MGMT: variants seen among roughly 807,000 people sequenced by gnomAD.
The protein encoded by MGMT is O-6-methylguanine-DNA methyltransferase.
In MGMT, 14 loss-of-function variants were observed where a neutral mutation model predicts 15.9. The ratio of observed to expected loss-of-function variants is 0.88; its 90% CI spans 0.58 to 1.37. The LOEUF (loss-of-function observed/expected upper bound fraction) is 1.37. Among genes scored for constraint, MGMT ranks in the 40% most tolerant of loss-of-function variants. The pLI is 0.00. For synonymous variants in MGMT, 130 were observed against 118.2 expected, an observed-to-expected ratio of 1.10 and a Z score of -0.65; for missense variants, 282 against 268.1, an observed-to-expected ratio of 1.05 and a Z score of -0.36.
chr10:129,617,852 A>G (rs753848778), intron 2 of MGMT, among the ~76,000 whole-genome samples: 4 of 152,074 alleles, frequency 2.6e-5, no homozygotes, highest in Non-Finnish European at 2.9e-5. Flanking sequence ...GGGGATGCAT[A>G]GTCTGCAAAG....
At chr10:129,747,297 C>T (rs137951990) in intron 3 of MGMT, among the ~76,000 whole-genome samples, 1,562 of 152,078 alleles carry the variant, frequency 0.01, 24 homozygotes, top group African/African-American at 0.036. Context: ...GCTTTTTTTG[C>T]ACAGTTAGGT....
chr10:129,635,917 C>T (rs1173487084), intron 2 of MGMT, among the ~76,000 whole-genome samples: 2 of 152,140 alleles, frequency 1.3e-5, no homozygotes, highest in African/African-American at 4.8e-5. Flanking sequence ...TGTAATCACT[C>T]CAGAATATAT....
At chr10:129,543,824 T>C (rs1311449156) in intron 2 of MGMT, among the ~76,000 whole-genome samples, 1 of 152,238 alleles carries the variant, frequency 6.6e-6, no homozygotes, top group Non-Finnish European at 1.5e-5. Context: ...ATTTTAAGTC[T>C]GCCAGGAACT....
At chr10:129,766,706 G>A in intron 4 of MGMT, 82 bp from the exon 5 acceptor site, 1 of 1,305,956 alleles carries the variant, frequency 7.7e-7, no homozygotes, top group Non-Finnish European at 1.1e-6. Context: ...CAGGACTCCT[G>A]TCAGTCAGGG....
chr10:129,627,431 G>A (rs77566600), intron 2 of MGMT, among the ~76,000 whole-genome samples: 9,732 of 61,350 alleles, frequency 0.16, 426 homozygotes, highest in South Asian at 0.22. Flanking sequence ...AAGAAAGAAA[G>A]AAAAAAGCAG....
At chr10:129,637,292 C>G (rs1487469911) in intron 2 of MGMT, among the ~76,000 whole-genome samples, 2 of 152,316 alleles carry the variant, frequency 1.3e-5, no homozygotes, top group East Asian at 3.9e-4. Context: ...CCCACCCTGT[C>G]CTCTGACTTT....
chr10:129,607,319 G>A (rs879666844), intron 2 of MGMT, among the ~76,000 whole-genome samples: 1 of 152,098 alleles, frequency 6.6e-6, no homozygotes, highest in Admixed American at 6.5e-5. Context: ...TGGATTGTCG[G>A]ATAACATTTT....
In MGMT at chr10:129,759,291, G is replaced by A; in HGVS notation, c.364G>A (p.Gly122Ser). 6.2e-7 allele frequency: 1 copy of A among 1,614,186 alleles called. No individual in the cohort carries two copies. Among genetic ancestry groups the A allele is most frequent in the Non-Finnish European group, 8.5e-7 (1 of 1,180,038 alleles). Residue 122 changes from glycine to serine, a missense_variant, in exon 4 of 5, where the codon GGC (glycine) becomes AGC (serine). Coordinates refer to ENST00000651593, the MANE Select transcript of MGMT (RefSeq NM_002412.5). ...ISYQQLAALA[G>S]NPKAARAVGG... ...TTACCAGCAATTAGCAGCCCTGGCA[G>A]GCAACCCCAAAGCCGCGCGAGCAGT... is the stretch of plus-strand genomic sequence containing the variant.
chr10:129,631,092 G>C (rs1461106327), intron 2 of MGMT, among the ~76,000 whole-genome samples: 1 of 151,784 alleles, frequency 6.6e-6, no homozygotes, highest in East Asian at 1.9e-4. Flanking sequence ...TCCCATCCAT[G>C]TTTCCAGGTT....
chr10:129,732,490 T>C (rs1256323383), intron 3 of MGMT, among the ~76,000 whole-genome samples: 1 of 152,092 alleles, frequency 6.6e-6, no homozygotes, highest in Non-Finnish European at 1.5e-5. Flanking sequence ...GAACTCATCC[T>C]TTTTTATGGC....
intron 2 of MGMT, among the ~76,000 whole-genome samples, chr10:129,599,699 G>A (rs866572395): frequency 3.3e-5 from 5 of 152,160 alleles, no homozygotes; most frequent in South Asian, 4.1e-4. Context: ...CACTGAGGCC[G>A]GCAAGTCTGT....
intron 3 of MGMT, among the ~76,000 whole-genome samples, chr10:129,712,241 G>A (rs1466487883): frequency 2.0e-5 from 3 of 152,188 alleles, no homozygotes; most frequent in South Asian, 2.1e-4. Context: ...CTGCCCACGC[G>A]AGACTGTGGG....
At chr10:129,707,844 T>C (rs1448444912) in intron 2 of MGMT, 51 bp from the exon 3 acceptor site, 5 of 1,605,814 alleles carry the variant, frequency 3.1e-6, no homozygotes, top group Non-Finnish European at 3.4e-6. Flanking sequence ...TTTTCCGATG[T>C]GTGGAGGCAG....
intron 2 of MGMT, among the ~76,000 whole-genome samples, chr10:129,540,674 T>G (rs1194638656): frequency 6.6e-6 from 1 of 152,270 alleles, no homozygotes; most frequent in Non-Finnish European, 1.5e-5. Flanking sequence ...TTGTCTTGTT[T>G]TGGAATTAGT....
At chr10:129,637,822 A>C (rs760621328) in intron 2 of MGMT, among the ~76,000 whole-genome samples, 17 of 152,206 alleles carry the variant, frequency 1.1e-4, no homozygotes, top group Non-Finnish European at 1.9e-4. Context: ...TCCGCAAGCC[A>C]AGAAGAGAGG....
intron 1 of MGMT, among the ~76,000 whole-genome samples, chr10:129,482,135 C>T (rs972664069): frequency 1.3e-4 from 20 of 152,080 alleles, no homozygotes; most frequent in African/African-American, 4.6e-4. Flanking sequence ...TCCCAATTTT[C>T]CTTGTGGTTT....
At chr10:129,700,874 T>C (rs190758013) in intron 2 of MGMT, 1 of 152,296 alleles carries the variant, frequency 6.6e-6, no homozygotes, top group East Asian at 1.9e-4. Flanking sequence ...TAATTGTGCA[T>C]TTACCAGTGA....
At chr10:129,704,573 C>T (rs1026780900) in intron 2 of MGMT, among the ~76,000 whole-genome samples, 9 of 152,094 alleles carry the variant, frequency 5.9e-5, no homozygotes, top group African/African-American at 2.2e-4. Context: ...GCCGGCTCTG[C>T]TGGGCTTGGT....
intron 2 of MGMT, among the ~76,000 whole-genome samples, chr10:129,630,421 GATA>G (rs1847197184): frequency 6.6e-6 from 1 of 152,230 alleles, no homozygotes. Flanking sequence ...TGTGAGGAAA[GATA>G]TTAACCCTTC....
Sources: gnomAD v4.1 joint callset for allele counts (sites outside exome capture counted in the v4.1 genomes callset) on GRCh38, gnomAD v4.1.1 for gene constraint, MANE v1.5 for transcripts, NCBI Gene and HGNC (gene_info 2026-07-23, HGNC 2026-07-21) for gene names.